The following FRMD3 variants were observed in gnomAD, a reference collection of about 807,000 sequenced individuals.
FRMD3 encodes the protein FERM domain-containing protein 3.
Under a neutral mutation model 70.2 loss-of-function variants are expected in FRMD3, and 33 were observed. The ratio of observed to expected loss-of-function variants is 0.47; its 90% CI spans 0.36 to 0.63. FRMD3 has a LOEUF of 0.63. Ranked by LOEUF, FRMD3 falls within the 20% of genes least tolerant of loss-of-function variation. The pLI is 0.00. For missense variants in FRMD3, 632 were observed against 711.4 expected, an observed-to-expected ratio of 0.89 and a Z score of 1.27; for synonymous variants, 279 against 255.9, an observed-to-expected ratio of 1.09 and a Z score of -0.86.
intron 1 of FRMD3, among the ~76,000 whole-genome samples, chr9:83,528,673 G>A (rs910816225): frequency 2.0e-5 from 3 of 152,002 alleles, no homozygotes; most frequent in Non-Finnish European, 4.4e-5. Context: ...GGGACTACAG[G>A]CACGCACCAA....
chr9:83,247,551 A>G lies in FRMD3; in HGVS notation c.*367T>C. 1.0e-6 allele frequency: 1 copy of G among 998,974 alleles called. No homozygotes were observed. Among genetic ancestry groups the G allele is most frequent in the Non-Finnish European group, 1.2e-6 (1 of 837,488 alleles). The allele number at this position is 998,974 out of a possible 1,614,324, so 61.9% of individuals were successfully genotyped here. On this transcript the variant is annotated 3_prime_UTR_variant, in exon 14 of 14. Transcript: ENST00000304195. Reference sequence around the variant, plus strand: ...ACAACTTTCTCTTGAGTTGTTACTAAAATTCTGATTCTGAACCTTATAGCT... The same window carrying G: ...ACAACTTTCTCTTGAGTTGTTACTAGAATTCTGATTCTGAACCTTATAGCT...
intron 3 of FRMD3, among the ~76,000 whole-genome samples, chr9:83,358,259 C>T (rs181668559): frequency 5.5e-4 from 83 of 152,268 alleles, no homozygotes; most frequent in African/African-American, 1.9e-3. Context: ...GGCTTTATTT[C>T]TTGGTTTTCT....
intron 6 of FRMD3, among the ~76,000 whole-genome samples, chr9:83,323,782 G>A (rs1404057874): frequency 2.6e-5 from 4 of 152,150 alleles, no homozygotes; most frequent in Non-Finnish European, 5.9e-5. Flanking sequence ...CTATTTCTAT[G>A]GCTTTCAAAA....
chr9:83,552,651 G>A, the FRMD3 span, among the ~76,000 whole-genome samples: 1 of 152,142 alleles, frequency 6.6e-6, no homozygotes, highest in Non-Finnish European at 1.5e-5. Flanking sequence ...GGGTGCTCCT[G>A]TGTTGGGTAC....
intron 1 of FRMD3, among the ~76,000 whole-genome samples, chr9:83,446,070 A>G (rs550284540): frequency 2.0e-4 from 30 of 152,242 alleles, no homozygotes; most frequent in Non-Finnish European, 3.8e-4. Flanking sequence ...CCAAGAGTAC[A>G]CAACTATTCA....
intron 6 of FRMD3, 38 bp from the exon 7 acceptor site, chr9:83,313,785 G>A (rs374439044): frequency 6.9e-7 from 1 of 1,450,852 alleles, no homozygotes; most frequent in African/African-American, 1.4e-5. Flanking sequence ...AGTTAAAATG[G>A]AAAAGAATAG....
At chr9:83,426,685 G>A (rs1421161698) in intron 1 of FRMD3, among the ~76,000 whole-genome samples, 1 of 152,236 alleles carries the variant, frequency 6.6e-6, no homozygotes, top group South Asian at 2.1e-4. Flanking sequence ...GTGTGAGAGG[G>A]ATGGTTGCAC....
At chr9:83,248,619 T>G in intron 13 of FRMD3, 103 bp from the exon 14 acceptor site, 1 of 1,203,954 alleles carries the variant, frequency 8.3e-7, no homozygotes, top group Non-Finnish European at 1.1e-6. Flanking sequence ...ATTCAAGCAA[T>G]CTATGAAATT....
At chr9:83,486,279 C>T (rs1360376817) in intron 1 of FRMD3, among the ~76,000 whole-genome samples, 1 of 152,144 alleles carries the variant, frequency 6.6e-6, no homozygotes, top group African/African-American at 2.4e-5. Flanking sequence ...CACCAAGCAT[C>T]TCTTCCAAGC....
intron 1 of FRMD3, among the ~76,000 whole-genome samples, chr9:83,524,448 G>C (rs1046084844): frequency 6.6e-6 from 1 of 152,204 alleles, no homozygotes; most frequent in Non-Finnish European, 1.5e-5. Flanking sequence ...AGTAGACATG[G>C]AAAGAATTTA....
chr9:83,544,712 C>T, the FRMD3 span, among the ~76,000 whole-genome samples: 3 of 152,184 alleles, frequency 2.0e-5, no homozygotes, highest in Non-Finnish European at 4.4e-5. Flanking sequence ...AGCCTACTCA[C>T]ATGCCCAGTA....
chr9:83,484,333 A>G (rs74319535), intron 1 of FRMD3, among the ~76,000 whole-genome samples: 8,586 of 152,252 alleles, frequency 0.056, 366 homozygotes, highest in East Asian at 0.15. Flanking sequence ...TTCCCCCATT[A>G]ATTAAGGGGA....
At chr9:83,570,342 T>C in the FRMD3 span, among the ~76,000 whole-genome samples, 1 of 152,216 alleles carries the variant, frequency 6.6e-6, no homozygotes, top group African/African-American at 2.4e-5. Context: ...GGAGTAAAGA[T>C]GACTGTTGCA....
intron 1 of FRMD3, among the ~76,000 whole-genome samples, chr9:83,407,957 C>T (rs535961905): frequency 1.4e-4 from 20 of 146,518 alleles, no homozygotes; most frequent in Non-Finnish European, 2.4e-4. Flanking sequence ...TGCAGCTCTC[C>T]ATGTGTGTAG....
At chr9:83,494,851 G>GTA (rs2131502889) in intron 1 of FRMD3, among the ~76,000 whole-genome samples, 1 of 147,876 alleles carries the variant, frequency 6.8e-6, no homozygotes, top group South Asian at 2.3e-4. Context: ...GTGTGTGTGT[G>GTA]TGTGTGTGCG....
At chr9:83,298,271 C>T (rs1834758423) in intron 12 of FRMD3, among the ~76,000 whole-genome samples, 1 of 152,222 alleles carries the variant, frequency 6.6e-6, no homozygotes, top group South Asian at 2.1e-4. Flanking sequence ...TGCATATCGT[C>T]ACCTTAATGG....
At chr9:83,283,148 T>G (rs1430569007) in intron 13 of FRMD3, among the ~76,000 whole-genome samples, 1 of 152,224 alleles carries the variant, frequency 6.6e-6, no homozygotes, top group Non-Finnish European at 1.5e-5. Flanking sequence ...CTGCAGAGCA[T>G]GCTCAGGCCT....
At chr9:83,479,144 A>G (rs1828468690) in intron 1 of FRMD3, among the ~76,000 whole-genome samples, 1 of 152,016 alleles carries the variant, frequency 6.6e-6, no homozygotes, top group Admixed American at 6.6e-5. Flanking sequence ...GGAAACAAAT[A>G]CGGCCAATGC....
intron 3 of FRMD3, among the ~76,000 whole-genome samples, chr9:83,354,743 G>A (rs1012409612): frequency 6.6e-6 from 1 of 152,152 alleles, no homozygotes; most frequent in African/African-American, 2.4e-5. Flanking sequence ...GAAATACCAG[G>A]ACAGTAGAAG....
Sources: allele counts gnomAD v4.1 joint callset (sites outside exome capture counted in the v4.1 genomes callset), GRCh38; gene constraint gnomAD v4.1.1; transcripts MANE v1.5; gene names NCBI Gene and HGNC (gene_info 2026-07-23, HGNC 2026-07-21).